The following SLC4A7 variants were observed in gnomAD, a reference collection of about 807,000 sequenced individuals.
SLC4A7 encodes sodium bicarbonate cotransporter 3.
SLC4A7 carries 51 observed loss-of-function variants against 137.6 expected under a neutral mutation model. That is an observed-to-expected ratio of 0.37 (90% confidence interval 0.30 to 0.47). SLC4A7 has a LOEUF of 0.47. Among genes scored for constraint, SLC4A7 ranks in the 20% least tolerant of loss-of-function variants. The pLI is 1.00. For synonymous variants in SLC4A7, 542 were observed against 518.6 expected, an observed-to-expected ratio of 1.05 and a Z score of -0.61; for missense variants, 1,247 against 1,525.4, an observed-to-expected ratio of 0.82 and a Z score of 3.04.
intron 11 of SLC4A7, among the ~76,000 whole-genome samples, chr3:27,417,423 A>G (rs923941): frequency 0.18 from 27,667 of 152,192 alleles, 2,922 homozygotes; most frequent in Non-Finnish European, 0.25. Context: ...ATAATCAGGA[A>G]TATTCAACCT....
At chr3:27,383,045 G>T (rs1330752107) in intron 24 of SLC4A7, 108 bp downstream of exon 24, 8 of 707,400 alleles carry the variant, frequency 1.1e-5, no homozygotes, top group Non-Finnish European at 1.9e-5. Context: ...TATGCAGATT[G>T]TATCATCTTT....
At chr3:27,456,601 G>C in intron 1 of SLC4A7, 1 of 1,247,656 alleles carries the variant, frequency 8.0e-7, no homozygotes, top group Non-Finnish European at 1.2e-6. Flanking sequence ...ATTAAACTCT[G>C]ATTCAAATTC....
Position 27,374,406 on chromosome 3 carries a change from A to G in SLC4A7, c.*2358T>C, listed in dbSNP as rs1039829376. 2 of 152,568 alleles carry G rather than the reference A, an allele frequency of 1.3e-5. No individual in the cohort carries two copies. Among genetic ancestry groups the G allele is most frequent in the East Asian group, 3.8e-4 (2 of 5,198 alleles). The allele number at this position is 152,568 out of a possible 1,614,324, so 9.5% of individuals were successfully genotyped here. A position where few individuals can be genotyped will look rare whatever the true frequency, so the allele number is the denominator to read the frequency against. On this transcript the variant is annotated 3_prime_UTR_variant, in exon 26 of 26. Coordinates refer to ENST00000454389, the MANE Select transcript of SLC4A7 (RefSeq NM_001321103.2). ...CACTTATTTAAGGCAACTTTATTTA[A>G]AAATCAATATATGTAGTAAATTATA...
chr3:27,477,117 T>C (rs1047150471), intron 1 of SLC4A7, among the ~76,000 whole-genome samples: 9 of 152,250 alleles, frequency 5.9e-5, no homozygotes, highest in Non-Finnish European at 1.0e-4. Context: ...TCTGAATTAA[T>C]AACTTCAGCA....
intron 1 of SLC4A7, among the ~76,000 whole-genome samples, chr3:27,460,321 C>A (rs1011377973): frequency 6.6e-6 from 1 of 152,140 alleles, no homozygotes; most frequent in African/African-American, 2.4e-5. Flanking sequence ...TAGGTGTGAG[C>A]CACTGCACCG....
intron 7 of SLC4A7, among the ~76,000 whole-genome samples, chr3:27,430,372 C>T (rs1175201445): frequency 6.6e-6 from 1 of 151,984 alleles, no homozygotes; most frequent in Non-Finnish European, 1.5e-5. Context: ...CCTGTAATCT[C>T]AGCACTCTGG....
intron 5 of SLC4A7, among the ~76,000 whole-genome samples, chr3:27,435,057 G>C (rs1315402312): frequency 6.6e-6 from 1 of 152,086 alleles, no homozygotes; most frequent in Admixed American, 6.5e-5. Context: ...AGAAAGTAAG[G>C]ACAATTCAAA....
intron 1 of SLC4A7, among the ~76,000 whole-genome samples, chr3:27,476,734 C>T (rs2059474792): frequency 6.6e-6 from 1 of 152,120 alleles, no homozygotes; most frequent in Non-Finnish European, 1.5e-5. Context: ...CCCCTTCCAC[C>T]ATATTTGTTT....
At chr3:27,409,217 G>T in intron 13 of SLC4A7, 139 bp downstream of exon 13, 1 of 596,478 alleles carries the variant, frequency 1.7e-6, no homozygotes, top group Non-Finnish European at 2.8e-6. Context: ...AATTACCTTT[G>T]GGGAAAGTCT....
At position 27,483,943 on chromosome 3, in the gene SLC4A7, G is replaced by T. The variant is rs983291482; in HGVS notation, c.60+124C>A. The T allele has an allele frequency of 1.7e-4, 120 of 685,856 alleles. No homozygotes were observed. The East Asian group carries it at 4.8e-3, about 27-fold the overall frequency. The allele number at this position is 685,856 out of a possible 1,614,324, so 42.5% of individuals were successfully genotyped here. On this transcript the variant is annotated intron_variant, in intron 1 of 25. Transcript: ENST00000454389. ...GGCGAGGCGCGCCGGCCGCCGGGAG[G>T]TGGAGGGGCGACGGGCCTGGGACGA...
chr3:27,379,230 C>A lies in SLC4A7; in HGVS notation c.3698+19G>T. ...GAAAATTGGCTACAGTTAGAAAACA[C>A]ACAAATAGTTATAACTACCTCATGT... is the stretch of plus-strand genomic sequence containing the variant. On this transcript the variant is annotated intron_variant, in intron 25 of 25. Coordinates refer to ENST00000454389, the MANE Select transcript of SLC4A7 (RefSeq NM_001321103.2). 7.3e-7 allele frequency: 1 copy of A among 1,378,412 alleles called. No homozygotes were observed. The highest frequency in any genetic ancestry group is 1.0e-6 in the Non-Finnish European group (1 of 1,003,292). The allele number at this position is 1,378,412 out of a possible 1,614,324, so 85.4% of individuals were successfully genotyped here. A position where few individuals can be genotyped will look rare whatever the true frequency, so the allele number is the denominator to read the frequency against.
chr3:27,448,496 C>T (rs766412871), intron 3 of SLC4A7, among the ~76,000 whole-genome samples, 155 bp downstream of exon 3: 14 of 151,816 alleles, frequency 9.2e-5, no homozygotes, highest in Non-Finnish European at 1.8e-4. Flanking sequence ...AAAATTATTA[C>T]TTCAATTGAT....
At chr3:27,401,809 A>G (rs2052770299) in intron 15 of SLC4A7, among the ~76,000 whole-genome samples, 1 of 152,230 alleles carries the variant, frequency 6.6e-6, no homozygotes, top group Non-Finnish European at 1.5e-5. Context: ...ACTGGCTGAC[A>G]CTAACTATAA....
At chr3:27,406,385 T>G (rs1301730471) in intron 13 of SLC4A7, among the ~76,000 whole-genome samples, 1 of 152,148 alleles carries the variant, frequency 6.6e-6, no homozygotes, top group African/African-American at 2.4e-5. Context: ...AATGACAGTA[T>G]GCAATGAAAG....
intron 22 of SLC4A7, among the ~76,000 whole-genome samples, chr3:27,389,030 C>G (rs1314997549): frequency 1.3e-5 from 2 of 152,048 alleles, no homozygotes; most frequent in African/African-American, 2.4e-5. Flanking sequence ...CCTCCTTAAT[C>G]TTGTATATCC....
chr3:27,476,603 ATCATGGGGGCAGATG>A lies in SLC4A7; in HGVS notation c.60+7449_60+7463del, dbSNP rs551475409. 6.7e-3 allele frequency among the ~76,000 whole-genome samples: 1,017 copies of A among 152,192 alleles called. 3 individuals are homozygous for A. Among genetic ancestry groups the A allele is most frequent in the Non-Finnish European group, 0.011 (749 of 68,004 alleles). ...AAGGGGCCTGGTGGGAGGTGACTGA[ATCATGGGGGCAGATG>A]TCCCCCTCATTGTTCTCATTAGTTC... On this transcript the variant is annotated intron_variant, in intron 1 of 25. Transcript: ENST00000454389.
chr3:27,457,567 T>C (rs2058475472), intron 1 of SLC4A7, among the ~76,000 whole-genome samples: 1 of 152,174 alleles, frequency 6.6e-6, no homozygotes, highest in Admixed American at 6.5e-5. Context: ...AAGTATATTG[T>C]TTCTTAATAG....
chr3:27,393,335 A>C (rs1261790389), intron 20 of SLC4A7, among the ~76,000 whole-genome samples: 1 of 152,242 alleles, frequency 6.6e-6, no homozygotes, highest in Non-Finnish European at 1.5e-5. Flanking sequence ...TGGTCTCCAG[A>C]AAACAATGAC....
At chr3:27,426,102 A>G (rs140494661) in intron 7 of SLC4A7, among the ~76,000 whole-genome samples, 1 of 152,356 alleles carries the variant, frequency 6.6e-6, no homozygotes, top group East Asian at 1.9e-4. Flanking sequence ...AAACTAAGTC[A>G]TCTGGGTTTA....
Sources: allele counts gnomAD v4.1 joint callset (sites outside exome capture counted in the v4.1 genomes callset), GRCh38; gene constraint gnomAD v4.1.1; transcripts MANE v1.5; gene names NCBI Gene and HGNC (gene_info 2026-07-23, HGNC 2026-07-21).